Variants in PCDH15 observed in about 807,000 individuals in gnomAD.
PCDH15 encodes protocadherin related 15.
Under a neutral mutation model 178.5 loss-of-function variants are expected in PCDH15, and 129 were observed. The observed-to-expected ratio is 0.72, with a 90% CI of 0.63 to 0.84. The LOEUF is 0.84. Among genes scored for constraint, PCDH15 ranks in the 40% least tolerant of loss-of-function variants. The pLI, the probability that PCDH15 is intolerant of heterozygous loss-of-function variation, is 0.00. For synonymous variants in PCDH15, 800 were observed against 732.0 expected, an observed-to-expected ratio of 1.09 and a Z score of -1.50; for missense variants, 2,230 against 2,099.9, an observed-to-expected ratio of 1.06 and a Z score of -1.21.
At chr10:54,533,630 G>A (rs189997125) in intron 2 of PCDH15, among the ~76,000 whole-genome samples, 330 of 151,726 alleles carry the variant, frequency 2.2e-3, no homozygotes, top group African/African-American at 7.7e-3. Context: ...TTATATCAAA[G>A]ATCAACTTAC....
intron 18 of PCDH15, among the ~76,000 whole-genome samples, chr10:54,064,642 C>T (rs1384978415): frequency 6.6e-6 from 1 of 152,212 alleles, no homozygotes; most frequent in African/African-American, 2.4e-5. Context: ...CCAAAGTTCA[C>T]AGGAGGCTGA....
intron 3 of PCDH15, among the ~76,000 whole-genome samples, chr10:54,834,891 A>G (rs1953288494): frequency 1.3e-5 from 2 of 152,170 alleles, no homozygotes; most frequent in Admixed American, 6.5e-5. Context: ...ATCTCTGACC[A>G]TCTTAGGCTC....
intron 18 of PCDH15, among the ~76,000 whole-genome samples, chr10:54,049,623 GA>G (rs1261814566): frequency 6.7e-5 from 9 of 133,678 alleles, no homozygotes; most frequent in Admixed American, 5.3e-4. Context: ...CTATTGTGAT[GA>G]TTTTTTTTTT....
chr10:54,481,243 T>C (rs1449101655), intron 3 of PCDH15, among the ~76,000 whole-genome samples: 1 of 151,888 alleles, frequency 6.6e-6, no homozygotes, highest in Non-Finnish European at 1.5e-5. Flanking sequence ...ACAAAAATTC[T>C]TATATTACAA....
Position 53,866,727 on chromosome 10 carries a change from T to A in PCDH15, c.3632A>T (p.His1211Leu), listed in dbSNP as rs1484887657. The A allele has an allele frequency of 6.2e-7, 1 of 1,613,610 alleles. No homozygotes were observed. Among genetic ancestry groups the A allele is most frequent in the Non-Finnish European group, 8.5e-7 (1 of 1,179,728 alleles). ...CTTGAAGTAGGATCTCCTCATATTATGGAAGAGCATAGCAGTTTTGATAAG... is the reference window on the plus strand; with the variant it reads ...CTTGAAGTAGGATCTCCTCATATTAAGGAAGAGCATAGCAGTTTTGATAAG... ...TGLIKTAMLF[H>L]NMRRSYFKFQ... Residue 1211 changes from histidine to leucine, a missense_variant, in exon 27 of 38, where the codon CAT becomes CTT. His to Leu is a moderately conservative substitution (Grantham distance 99, BLOSUM62 -3). Coordinates refer to ENST00000644397, the MANE Select transcript of PCDH15 (RefSeq NM_001384140.1).
At chr10:54,537,647 A>T (rs1413728776) in intron 2 of PCDH15, among the ~76,000 whole-genome samples, 3 of 152,212 alleles carry the variant, frequency 2.0e-5, no homozygotes, top group Non-Finnish European at 2.9e-5. Context: ...GTGATTTATC[A>T]CATGGACAAA....
chr10:54,344,662 TA>T (rs1205863809), intron 6 of PCDH15, among the ~76,000 whole-genome samples: 1 of 151,952 alleles, frequency 6.6e-6, no homozygotes, highest in Admixed American at 6.6e-5. Flanking sequence ...ATTAATTCTT[TA>T]AAAAAATACC....
intron 3 of PCDH15, among the ~76,000 whole-genome samples, chr10:54,380,002 G>A (rs1948987517): frequency 1.3e-5 from 2 of 152,062 alleles, no homozygotes; most frequent in South Asian, 4.2e-4. Flanking sequence ...CTTAAGGCAT[G>A]AAATTGGCCT....
chr10:54,753,199 T>C (rs1014120451), intron 1 of PCDH15, among the ~76,000 whole-genome samples: 1 of 152,104 alleles, frequency 6.6e-6, no homozygotes, highest in African/African-American at 2.4e-5. Flanking sequence ...TTTTTTTTTT[T>C]ATTTTCGAGA....
intron 16 of PCDH15, among the ~76,000 whole-genome samples, chr10:54,088,441 T>C (rs2094549150): frequency 6.6e-6 from 1 of 152,198 alleles, no homozygotes; most frequent in African/African-American, 2.4e-5. Flanking sequence ...TCTTTATGTA[T>C]TCTTGAGACA....
At chr10:54,270,750 A>G (rs1321560849) in intron 8 of PCDH15, among the ~76,000 whole-genome samples, 1 of 152,132 alleles carries the variant, frequency 6.6e-6, no homozygotes. Context: ...TCCTCCTAAG[A>G]TTTATTCACT....
intron 1 of PCDH15, among the ~76,000 whole-genome samples, chr10:54,779,462 G>GTA (rs1171635780): frequency 1.5e-3 from 56 of 38,594 alleles, no homozygotes; most frequent in Admixed American, 6.0e-3. Flanking sequence ...TCATATATGT[G>GTA]TGTATATATA....
chr10:53,940,942 C>T lies in PCDH15; in HGVS notation c.3156G>A (p.Gly1052=), dbSNP rs144492858. 1.9e-6 allele frequency: 3 copies of T among 1,613,400 alleles called. No homozygotes were observed. The highest frequency in any genetic ancestry group is 2.5e-6 in the Non-Finnish European group (3 of 1,179,560). ...CAGCAGAAATTACACCAACCATGGTCCCTTTGGTGGCAAGTTCACTTACTG... is the reference window on the plus strand; with the variant it reads ...CAGCAGAAATTACACCAACCATGGTTCCTTTGGTGGCAAGTTCACTTACTG... ...PPPVSELATK[G]TMVGVISAAA... is the part of the protein sequence containing the mutation. The change falls in exon 24 of 38, where the codon GGG becomes GGA. Residue 1052 remains glycine (G), a synonymous_variant. Transcript: ENST00000644397.
At chr10:54,181,257 A>G (rs140733323) in intron 13 of PCDH15, among the ~76,000 whole-genome samples, 362 of 152,304 alleles carry the variant, frequency 2.4e-3, no homozygotes, top group Non-Finnish European at 3.5e-3. Flanking sequence ...ACTGGAACTA[A>G]TAGTCATGTA....
intron 2 of PCDH15, among the ~76,000 whole-genome samples, chr10:54,905,675 A>C (rs1954706612): frequency 1.3e-5 from 2 of 152,216 alleles, no homozygotes; most frequent in Admixed American, 6.5e-5. Flanking sequence ...ATATTGCTAT[A>C]ATCCTTAGAA....
At chr10:54,467,460 G>A (rs991137784) in intron 3 of PCDH15, among the ~76,000 whole-genome samples, 1 of 151,696 alleles carries the variant, frequency 6.6e-6, no homozygotes, top group Non-Finnish European at 1.5e-5. Context: ...TTATTGATTA[G>A]CATATGTTGA....
chr10:55,299,314 T>A (rs1289362575), intron 1 of PCDH15, among the ~76,000 whole-genome samples: 1 of 152,084 alleles, frequency 6.6e-6, no homozygotes, highest in African/African-American at 2.4e-5. Flanking sequence ...ATGCAATGTG[T>A]TGTGGCTTTT....
chr10:54,525,659 A>G (rs566760458), intron 3 of PCDH15, among the ~76,000 whole-genome samples: 100 of 152,204 alleles, frequency 6.6e-4, no homozygotes, highest in Non-Finnish European at 4.3e-4. Context: ...GGGTCTTGCC[A>G]TGTTGGCCAG....
intron 17 of PCDH15, among the ~76,000 whole-genome samples, chr10:54,073,143 G>A (rs2094278412): frequency 6.6e-6 from 1 of 151,494 alleles, no homozygotes; most frequent in African/African-American, 2.4e-5. Context: ...GTGTATGTAT[G>A]TATACACATT....
Sources: gnomAD v4.1 joint callset for allele counts (sites outside exome capture counted in the v4.1 genomes callset) on GRCh38, gnomAD v4.1.1 for gene constraint, MANE v1.5 for transcripts, NCBI Gene and HGNC (gene_info 2026-07-23, HGNC 2026-07-21) for gene names.